Variants in IQCH observed in about 807,000 individuals in gnomAD.
IQCH encodes the protein IQ domain-containing protein H.
Under a neutral mutation model 117.0 loss-of-function variants are expected in IQCH, and 98 were observed. That is an observed-to-expected ratio of 0.84 (90% CI 0.71 to 0.99). The LOEUF (loss-of-function observed/expected upper bound fraction) is 0.99. IQCH is among the 50% of genes least tolerant of loss of function. The probability of loss-of-function intolerance (pLI) is 0.00; values close to 1 mark genes in which losing one functional copy is unlikely to be tolerated. For missense variants in IQCH, 1,102 were observed against 1,243.8 expected (o/e 0.89, Z 1.72); for synonymous variants, 412 against 448.2 (o/e 0.92, Z 1.02).
At chr15:67,288,551 G>A (rs772421151) in intron 4 of IQCH, among the ~76,000 whole-genome samples, 2 of 151,824 alleles carry the variant, frequency 1.3e-5, no homozygotes, top group African/African-American at 2.4e-5. Flanking sequence ...TATTTTGTCT[G>A]GTATAGCTAC....
Position 67,421,461 on chromosome 15 carries a change from C to G in IQCH, c.2389C>G (p.Gln797Glu). Residue 797 changes from glutamine to glutamate, a missense_variant, in exon 16 of 21, where the codon CAA becomes GAA. Around this residue, in one of 2 missense-constraint regions of IQCH, gnomAD observed 650 missense variants for 794.3 expected, o/e 0.82. Coordinates refer to ENST00000335894, the MANE Select transcript of IQCH (RefSeq NM_001031715.3). ...TTVPQTSVDP[Q>E]VLTYLCLQIG... is the part of the protein sequence containing the mutation. The stretch of plus-strand genomic sequence containing the variant: ...CGTGCCTCAGACCTCAGTGGATCCC[C>G]AAGTTCTCACTTATTTGTGCCTCCA... The G allele has an allele frequency of 6.2e-7, 1 of 1,614,152 alleles. No homozygotes were observed. Among genetic ancestry groups the G allele is most frequent in the South Asian group, 1.1e-5 (1 of 91,082 alleles).
At chr15:67,297,120 G>A (rs533384736) in intron 4 of IQCH, among the ~76,000 whole-genome samples, 94 of 152,326 alleles carry the variant, frequency 6.2e-4, no homozygotes, top group African/African-American at 2.3e-3. Flanking sequence ...TGTGATTGTG[G>A]AGGGCTTCTA....
intron 5 of IQCH, among the ~76,000 whole-genome samples, chr15:67,343,381 C>T (rs1031864105): frequency 3.9e-5 from 6 of 152,226 alleles, no homozygotes; most frequent in African/African-American, 9.6e-5. Flanking sequence ...CCTCTAACAG[C>T]AGGCTTGGGT....
chr15:67,414,005 A>G (rs1402290141), intron 14 of IQCH, among the ~76,000 whole-genome samples: 3 of 152,166 alleles, frequency 2.0e-5, no homozygotes, highest in Admixed American at 1.3e-4. Flanking sequence ...TGGCCCTCAC[A>G]TAGTATGTTG....
At chr15:67,264,481 C>G (rs1047247077) in intron 3 of IQCH, among the ~76,000 whole-genome samples, 1 of 152,180 alleles carries the variant, frequency 6.6e-6, no homozygotes, top group Non-Finnish European at 1.5e-5. Flanking sequence ...GATCTGCTTC[C>G]AAGCTCACTC....
chr15:67,341,980 A>G (rs919782890), intron 5 of IQCH, among the ~76,000 whole-genome samples: 12 of 152,122 alleles, frequency 7.9e-5, no homozygotes, highest in African/African-American at 2.2e-4. Context: ...AAAGATGCAG[A>G]GTGGCTCACA....
At position 67,389,011 on chromosome 15, in the gene IQCH, GT is replaced by G; in HGVS notation, c.1632+8del. Reference sequence around the variant, plus strand: ...GAAGCTGTAAACATCTTCCCTGTGAGTTTGTGTTCTAATTACTATGGTTTCA... The same window carrying G: ...GAAGCTGTAAACATCTTCCCTGTGAGTTGTGTTCTAATTACTATGGTTTCA... On this transcript the variant is annotated splice_donor_region_variant and intron_variant, in intron 12 of 20. Transcript: ENST00000335894. 1 of 1,609,448 alleles carries G rather than the reference GT, an allele frequency of 6.2e-7. No individual in the cohort carries two copies. Among genetic ancestry groups the G allele is most frequent in the Non-Finnish European group, 8.5e-7 (1 of 1,177,110 alleles).
intron 14 of IQCH, among the ~76,000 whole-genome samples, chr15:67,402,618 T>C (rs915015068): frequency 5.3e-5 from 8 of 152,302 alleles, no homozygotes; most frequent in African/African-American, 1.9e-4. Context: ...GCCTGGCACA[T>C]ACAAAACATA....
At chr15:67,301,953 T>C (rs1344156475) in intron 4 of IQCH, among the ~76,000 whole-genome samples, 2 of 152,168 alleles carry the variant, frequency 1.3e-5, no homozygotes, top group African/African-American at 4.8e-5. Flanking sequence ...TACTGATTTC[T>C]TTTCAGAAAT....
intron 5 of IQCH, among the ~76,000 whole-genome samples, chr15:67,340,813 T>A (rs1193108493): frequency 1.3e-5 from 2 of 152,248 alleles, no homozygotes; most frequent in African/African-American, 4.8e-5. Flanking sequence ...GAAAACATTC[T>A]GCACTCACAA....
intron 16 of IQCH, among the ~76,000 whole-genome samples, chr15:67,446,787 G>T (rs185410534): frequency 6.6e-6 from 1 of 152,136 alleles, no homozygotes; most frequent in Non-Finnish European, 1.5e-5. Flanking sequence ...GTATTTCTTT[G>T]TCCTTATACA....
At chr15:67,275,176 A>G (rs1016478214) in intron 3 of IQCH, among the ~76,000 whole-genome samples, 2 of 152,158 alleles carry the variant, frequency 1.3e-5, no homozygotes, top group Non-Finnish European at 2.9e-5. Context: ...GATACTTTCC[A>G]TGGGTTGAGG....
chr15:67,303,668 G>C (rs769262978), intron 4 of IQCH, among the ~76,000 whole-genome samples: 3 of 152,112 alleles, frequency 2.0e-5, no homozygotes, highest in Non-Finnish European at 4.4e-5. Flanking sequence ...TGGCACCTAG[G>C]TGTCCTGACA....
In IQCH at chr15:67,365,163, C is replaced by G. The variant is rs551471100; in HGVS notation, c.753+5278C>G. ...GTTTTACCATGTTGCCCAGGCTGGT[C>G]TGGAACTCGTGGACTCAAGTGATCT... On this transcript the variant is annotated intron_variant, in intron 8 of 20. Coordinates refer to ENST00000335894, the MANE Select transcript of IQCH (RefSeq NM_001031715.3). This position sits in a 1 kb window ranked among gnomAD's most constrained non-coding sequence, Gnocchi z 4.4. 7.9e-5 allele frequency among the ~76,000 whole-genome samples: 12 copies of G among 152,282 alleles called. No homozygotes were observed. Among genetic ancestry groups the G allele is most frequent in the African/African-American group, 2.9e-4 (12 of 41,554 alleles).
rs565503220 is a variant in IQCH, at chr15:67,255,570, G to A, written c.51+623G>A. On this transcript the variant is annotated intron_variant, in intron 1 of 20. Transcript: ENST00000335894. ...CTCAGATGTTTCTGAAATGATCATG[G>A]CATTTTGTTTTCACATTTATGTGAG... Among the ~76,000 whole-genome samples, 3 of 152,302 alleles carry A rather than the reference G, an allele frequency of 2.0e-5. No homozygotes were observed. In the South Asian group the frequency reaches 6.2e-4, roughly 32 times the overall value.
chr15:67,367,156 T>G (rs2140771605), intron 8 of IQCH, among the ~76,000 whole-genome samples: 1 of 152,200 alleles, frequency 6.6e-6, no homozygotes, highest in East Asian at 1.9e-4. Flanking sequence ...TTCTGGGTCT[T>G]GTTGCTTCTG....
intron 8 of IQCH, among the ~76,000 whole-genome samples, chr15:67,361,838 A>C (rs1253147333): frequency 1.3e-5 from 2 of 152,204 alleles, no homozygotes; most frequent in Non-Finnish European, 2.9e-5. Flanking sequence ...AGGCATCCTT[A>C]TTTTCAAGAA....
intron 12 of IQCH, among the ~76,000 whole-genome samples, chr15:67,392,550 G>A (rs1406921867): frequency 6.6e-6 from 1 of 152,122 alleles, no homozygotes; most frequent in Non-Finnish European, 1.5e-5. Context: ...GCCAAGGCAG[G>A]TGGATCGCTT....
intron 7 of IQCH, among the ~76,000 whole-genome samples, chr15:67,358,113 C>T (rs1472193109): frequency 3.4e-5 from 5 of 149,202 alleles, no homozygotes; most frequent in Non-Finnish European, 7.4e-5. Flanking sequence ...CCTGCCTCGG[C>T]CTCCCAAAGC....
Sources: allele counts gnomAD v4.1 joint callset (sites outside exome capture counted in the v4.1 genomes callset), GRCh38; gene constraint gnomAD v4.1.1; regional missense constraint gnomAD v4.1.1; non-coding constraint Gnocchi (gnomAD v3.1); transcripts MANE v1.5; gene names NCBI Gene and HGNC (gene_info 2026-07-23, HGNC 2026-07-21).